Variants in GALNS observed in about 807,000 individuals in gnomAD.
GALNS encodes the protein galactosamine (N-acetyl)-6-sulfatase.
Under a neutral mutation model 65.9 loss-of-function variants are expected in GALNS, and 65 were observed. The ratio of observed to expected loss-of-function variants is 0.99; its 90% confidence interval spans 0.81 to 1.21. The LOEUF is 1.21. Among genes scored for constraint, GALNS ranks in the 50% most tolerant of loss-of-function variants. The pLI, the probability that GALNS is intolerant of heterozygous loss-of-function variation, is 0.00. For missense variants in GALNS, 776 were observed against 700.7 expected, an observed-to-expected ratio of 1.11 and a Z score of -1.21; for synonymous variants, 346 against 288.9, an observed-to-expected ratio of 1.20 and a Z score of -2.00.
intron 1 of GALNS, among the ~76,000 whole-genome samples, chr16:88,847,879 G>A (rs1432508503): frequency 6.6e-6 from 1 of 152,208 alleles, no homozygotes; most frequent in Non-Finnish European, 1.5e-5. Flanking sequence ...GTGTCCACGT[G>A]GAAACCTGTG....
chr16:88,816,888 C>A, intron 13 of GALNS: 8 of 985,458 alleles, frequency 8.1e-6, no homozygotes, highest in Non-Finnish European at 9.6e-6. Context: ...GATCCAGGGG[C>A]TGTGGGCAGC....
intron 1 of GALNS, 120 bp from the exon 2 acceptor site, chr16:88,842,949 C>A: frequency 6.5e-7 from 1 of 1,535,550 alleles, no homozygotes; most frequent in Non-Finnish European, 8.7e-7. Context: ...CACCCTGTGT[C>A]CCAGCCAGCG....
At position 88,814,281 on chromosome 16, in the gene GALNS, T is replaced by G; in HGVS notation, c.*158A>C. ...GGGCCAAGCACACGCCAGGGTCAGG[T>G]CCTGGGCAGGTGGAATTGTGCAGTC... On this transcript the variant is annotated 3_prime_UTR_variant, in exon 14 of 14. Transcript: ENST00000268695. The G allele has an allele frequency of 1.0e-6, 1 of 997,570 alleles. No homozygotes were observed. Among genetic ancestry groups the G allele is most frequent in the South Asian group, 1.4e-5 (1 of 72,284 alleles). 61.8% of individuals were successfully genotyped at this position (997,570 alleles called of 1,614,324 possible).
chr16:88,855,822 A>G (rs1011541317), intron 1 of GALNS: 5 of 504,956 alleles, frequency 9.9e-6, no homozygotes, highest in Admixed American at 3.4e-5. Context: ...GTCTGAAGGC[A>G]CCTGTCAGGG....
intron 6 of GALNS, 145 bp from the exon 7 acceptor site, chr16:88,835,994 C>G: frequency 7.3e-7 from 1 of 1,368,124 alleles, no homozygotes. Flanking sequence ...TGGTGCGGTC[C>G]CCGTCCCCAC....
chr16:88,834,869 C>A (rs1442154858), intron 8 of GALNS, among the ~76,000 whole-genome samples: 9 of 152,188 alleles, frequency 5.9e-5, no homozygotes, highest in Non-Finnish European at 1.2e-4. Flanking sequence ...GCCCCCACCT[C>A]AGCAGGGACA....
At chr16:88,848,015 G>A (rs1174141125) in intron 1 of GALNS, among the ~76,000 whole-genome samples, 1 of 152,228 alleles carries the variant, frequency 6.6e-6, no homozygotes, top group African/African-American at 2.4e-5. Context: ...ACTCAGCCAC[G>A]AAAAGGAATG....
intron 13 of GALNS, chr16:88,815,405 C>G: frequency 1.0e-6 from 1 of 985,482 alleles, no homozygotes; most frequent in Non-Finnish European, 1.2e-6. Context: ...AAGCCAGTCC[C>G]TACTGCGCTG....
At chr16:88,850,728 G>C (rs1275072334) in intron 1 of GALNS, among the ~76,000 whole-genome samples, 1 of 152,218 alleles carries the variant, frequency 6.6e-6, no homozygotes, top group African/African-American at 2.4e-5. Context: ...CGGGACGCTC[G>C]GGCTGCGAGC....
At chr16:88,850,420 C>A (rs1239283239) in intron 1 of GALNS, among the ~76,000 whole-genome samples, 2 of 152,174 alleles carry the variant, frequency 1.3e-5, no homozygotes, top group African/African-American at 2.4e-5. Context: ...TTCCAGGCCA[C>A]AAATAACATG....
intron 1 of GALNS, chr16:88,856,320 C>G: frequency 1.4e-6 from 1 of 702,742 alleles, no homozygotes; most frequent in South Asian, 1.5e-5. Context: ...ACGCAGCTCT[C>G]AGGCAGGGCG....
At position 88,824,759 on chromosome 16, in the gene GALNS, C is replaced by T. The variant is rs1413048277; in HGVS notation, c.1242+8G>A. 5 of 1,612,128 alleles carry T rather than the reference C, an allele frequency of 3.1e-6. No homozygotes were observed. Among genetic ancestry groups the T allele is most frequent in the African/African-American group, 1.3e-5 (1 of 74,902 alleles). The stretch of plus-strand genomic sequence containing the variant: ...GCTCCGCCTGCGCCCACGTCCCGAG[C>T]CCTGTACCTGTCTGAAGTTCTCCCA... On this transcript the variant is annotated splice_region_variant and intron_variant, in intron 11 of 13. Coordinates refer to ENST00000268695, the MANE Select transcript of GALNS (RefSeq NM_000512.5).
rs371732068 is a variant in GALNS, at chr16:88,841,041, G to C, written c.373C>G (p.Pro125Ala). 1 of 1,613,266 alleles carries C rather than the reference G, an allele frequency of 6.2e-7. No homozygotes were observed. Among genetic ancestry groups the C allele is most frequent in the African/African-American group, 1.3e-5 (1 of 75,056 alleles). The change falls in exon 4 of 14, where the codon CCG (proline) becomes GCG (alanine). Residue 125 changes from proline (P) to alanine (A), a missense_variant. Coordinates refer to ENST00000268695, the MANE Select transcript of GALNS (RefSeq NM_000512.5). ...TAGCCGGCCTTCTTCAGAAGCTCCG[G>C]CAGGAGCTGCTCCGAGTCTGGGATG... Reference protein sequence around the residue: ...GGIPDSEQLLPELLKKAGYVS... With the variant: ...GGIPDSEQLLAELLKKAGYVS...
intron 2 of GALNS, 38 bp from the exon 3 acceptor site, chr16:88,842,009 G>A (rs1328706109): frequency 1.3e-6 from 2 of 1,582,182 alleles, no homozygotes; most frequent in South Asian, 1.1e-5. Flanking sequence ...TGGATAAGAA[G>A]GGTGTGGCTC....
chr16:88,826,680 C>A, intron 10 of GALNS, 22 bp downstream of exon 10: 1 of 1,607,374 alleles, frequency 6.2e-7, no homozygotes, highest in Admixed American at 1.7e-5. Flanking sequence ...GGGGAAGGGG[C>A]CGGGGCAGGT....
intron 10 of GALNS, among the ~76,000 whole-genome samples, chr16:88,826,151 G>A (rs988626651): frequency 6.6e-6 from 1 of 151,530 alleles, no homozygotes; most frequent in East Asian, 1.9e-4. Context: ...GGGGCAGACA[G>A]GGGCAGCGTG....
At chr16:88,850,734 C>T (rs531386957) in intron 1 of GALNS, among the ~76,000 whole-genome samples, 3 of 152,212 alleles carry the variant, frequency 2.0e-5, no homozygotes, top group African/African-American at 7.2e-5. Context: ...GCTCGGGCTG[C>T]GAGCACAGGT....
chr16:88,856,208 T>C (rs2143012615), intron 1 of GALNS: 2 of 702,922 alleles, frequency 2.8e-6, no homozygotes, highest in East Asian at 2.7e-5. Context: ...ACACCTGACC[T>C]TCGCTCAGCA....
At chr16:88,844,562 A>T (rs1251646499) in intron 1 of GALNS, 1 of 152,222 alleles carries the variant, frequency 6.6e-6, no homozygotes, top group African/African-American at 2.4e-5. Flanking sequence ...TGCTCCAAGC[A>T]CCAACCAAGA....
Sources: gnomAD v4.1 joint callset for allele counts (sites outside exome capture counted in the v4.1 genomes callset) on GRCh38, gnomAD v4.1.1 for gene constraint, MANE v1.5 for transcripts, NCBI Gene and HGNC (gene_info 2026-07-23, HGNC 2026-07-21) for gene names.